Variants in CNNM1 observed in about 807,000 individuals in gnomAD.
CNNM1 encodes the protein metal transporter CNNM1.
Under a neutral mutation model 78.8 loss-of-function variants are expected in CNNM1, and 44 were observed. The observed-to-expected ratio is 0.56, with a 90% CI of 0.44 to 0.72. The LOEUF is 0.72. Among genes scored for constraint, CNNM1 ranks in the 30% least tolerant of loss-of-function variants. The probability of loss-of-function intolerance (pLI) is 0.00; values close to 1 mark genes in which losing one functional copy is unlikely to be tolerated. For missense variants in CNNM1, 1,101 were observed against 1,292.2 expected (o/e 0.85, Z 2.27); for synonymous variants, 584 against 581.5 (o/e 1.00, Z -0.06).
rs769541046 is a variant in CNNM1, at chr10:99,359,004, CAAAAAAAAAAAAAAAAAAA to C, written c.1717+1365_1717+1383del. On this transcript the variant is annotated intron_variant, in intron 2 of 10. Coordinates refer to ENST00000356713, the MANE Select transcript of CNNM1 (RefSeq NM_020348.3). ...CCTGGGTGACAGGGCAAGACTGTCTCAAAAAAAAAAAAAAAAAAAAAAAAAAAAAAAAAATCCCAGGTGT... is the reference window on the plus strand; with the variant it reads ...CCTGGGTGACAGGGCAAGACTGTCTCAAAAAAAAAAAAAAATCCCAGGTGT... Among the ~76,000 whole-genome samples, 32 of 51,520 alleles carry C rather than the reference CAAAAAAAAAAAAAAAAAAA, an allele frequency of 6.2e-4. 2 individuals carry two copies. The highest frequency in any genetic ancestry group is 3.2e-3 in the South Asian group (3 of 942). 33.8% of individuals were successfully genotyped at this position (51,520 alleles called of 152,430 possible). A position where few individuals can be genotyped will look rare whatever the true frequency, so the allele number is the denominator to read the frequency against.
At chr10:99,365,992 A>G (rs1189977520) in intron 6 of CNNM1, among the ~76,000 whole-genome samples, 1 of 152,246 alleles carries the variant, frequency 6.6e-6, no homozygotes, top group East Asian at 1.9e-4. Context: ...GCTAGTTCAC[A>G]CAGCACAATA....
In CNNM1 at chr10:99,353,594, C is replaced by T. The variant is rs149101027; in HGVS notation, c.1574-3918C>T. Among the ~76,000 whole-genome samples, 420 of 152,250 alleles carry T rather than the reference C, an allele frequency of 2.8e-3. 1 individual carries two copies. The highest frequency in any genetic ancestry group is 3.6e-3 in the Non-Finnish European group (248 of 68,022). On this transcript the variant is annotated intron_variant, in intron 1 of 10. Coordinates refer to ENST00000356713, the MANE Select transcript of CNNM1 (RefSeq NM_020348.3). ...GTAAGGGAGGTGCAGGCATAGGGCT[C>T]TTCAAGACCAACCTTTCATGAGTGT...
intron 5 of CNNM1, 77 bp downstream of exon 5, chr10:99,364,593 C>A: frequency 8.6e-7 from 1 of 1,157,324 alleles, no homozygotes; most frequent in Non-Finnish European, 1.2e-6. Context: ...AGTCTTGACT[C>A]CCCCTTTGAC....
chr10:99,364,395 A>G (rs1242623454), intron 4 of CNNM1, 22 bp from the exon 5 acceptor site: 6 of 1,547,478 alleles, frequency 3.9e-6, no homozygotes, highest in Non-Finnish European at 5.3e-6. Flanking sequence ...TTCATAGTAC[A>G]CTTCCTTTTT....
chr10:99,337,967 A>C (rs983550841), intron 1 of CNNM1, among the ~76,000 whole-genome samples: 11 of 152,232 alleles, frequency 7.2e-5, no homozygotes. Flanking sequence ...CTTTAGGTAC[A>C]TCTATTAATA....
At chr10:99,365,649 G>A (rs972809425) in intron 6 of CNNM1, among the ~76,000 whole-genome samples, 3 of 152,092 alleles carry the variant, frequency 2.0e-5, no homozygotes, top group African/African-American at 7.2e-5. Context: ...TGCTTAAAGG[G>A]CATGGCATTT....
chr10:99,342,958 T>TC (rs1320650176), intron 1 of CNNM1, among the ~76,000 whole-genome samples: 4 of 152,092 alleles, frequency 2.6e-5, no homozygotes, highest in African/African-American at 9.7e-5. Flanking sequence ...CCATCTTTTT[T>TC]TTTCTTTCTT....
chr10:99,364,730 G>A (rs904920333), intron 5 of CNNM1, among the ~76,000 whole-genome samples: 17 of 152,036 alleles, frequency 1.1e-4, no homozygotes, highest in Non-Finnish European at 1.6e-4. Context: ...AAATTGAATT[G>A]TAAAAAGCAG....
rs1186930800 is a variant in CNNM1, at chr10:99,364,398, T to TC, written c.2029-17dup. ...TGCTCATACACATTCATAGTACACT[T>TC]CCTTTTTTTTTTTTCCAGGGTAAAG... On this transcript the variant is annotated intron_variant, in intron 4 of 10. Transcript: ENST00000356713. 6 of 1,563,236 alleles carry TC rather than the reference T, an allele frequency of 3.8e-6. No homozygotes were observed. In the Admixed American group the frequency reaches 7.0e-5, roughly 18 times the overall value.
At chr10:99,370,823 T>C (rs1412835559) in intron 6 of CNNM1, among the ~76,000 whole-genome samples, 1 of 152,200 alleles carries the variant, frequency 6.6e-6, no homozygotes, top group Non-Finnish European at 1.5e-5. Context: ...CTCAACCGTA[T>C]CTTATATGGG....
In CNNM1 at chr10:99,360,860, C is replaced by A; in HGVS notation, c.1743C>A (p.Val581=). 1 of 1,610,776 alleles carries A rather than the reference C, an allele frequency of 6.2e-7. No homozygotes were observed. The highest frequency in any genetic ancestry group is 8.5e-7 in the Non-Finnish European group (1 of 1,177,490). The part of the protein sequence containing the change: ...LYTDNRKKQR[V]PQRERKRHDF... ...CTGACAATCGGAAAAAGCAGAGGGTCCCGCAACGGGAGCGGAAGCGGCATG... is the reference window on the plus strand; with the variant it reads ...CTGACAATCGGAAAAAGCAGAGGGTACCGCAACGGGAGCGGAAGCGGCATG... The change falls in exon 3 of 11, where the codon GTC becomes GTA. Residue 581 remains valine (V), a synonymous_variant. Transcript: ENST00000356713.
Position 99,330,697 on chromosome 10 carries a change from G to C in CNNM1, c.1310G>C (p.Gly437Ala). ...GTGGAGGAGGTGCTGACCCCCCTGGGAGACTGCTTCATGCTGCGCTCAGAC... is the reference window on the plus strand; with the variant it reads ...GTGGAGGAGGTGCTGACCCCCCTGGCAGACTGCTTCATGCTGCGCTCAGAC... ...KVVEEVLTPL[G>A]DCFMLRSDAV... The change falls in exon 1 of 11, where the codon GGA becomes GCA. Residue 437 changes from glycine (G) to alanine (A), a missense_variant. By Grantham distance (60) the Gly-to-Ala change is moderately conservative. This residue lies in a region of CNNM1 where 277 missense variants were observed against 423.2 expected (regional missense o/e 0.65). Transcript: ENST00000356713. The C allele has an allele frequency of 6.2e-7, 1 of 1,614,012 alleles. No homozygotes were observed. The highest frequency in any genetic ancestry group is 2.2e-5 in the East Asian group (1 of 44,878).
At chr10:99,348,926 C>T (rs2030820795) in intron 1 of CNNM1, among the ~76,000 whole-genome samples, 1 of 151,920 alleles carries the variant, frequency 6.6e-6, no homozygotes, top group Non-Finnish European at 1.5e-5. Flanking sequence ...AACAAATAGC[C>T]AGGCCTGCTG....
At chr10:99,350,517 C>T (rs1010561952) in intron 1 of CNNM1, among the ~76,000 whole-genome samples, 2 of 152,124 alleles carry the variant, frequency 1.3e-5, no homozygotes, top group Non-Finnish European at 2.9e-5. Flanking sequence ...ATGGATGTGC[C>T]TAAACCATGT....
intron 1 of CNNM1, among the ~76,000 whole-genome samples, chr10:99,356,562 CAGAA>C (rs71009746): frequency 0.047 from 4,641 of 98,016 alleles, 99 homozygotes; most frequent in Admixed American, 0.071. Context: ...GACAGACAGA[CAGAA>C]AGAAAGAAAG....
chr10:99,338,492 TGGTCTC>T (rs1318700916), intron 1 of CNNM1, among the ~76,000 whole-genome samples: 2 of 151,992 alleles, frequency 1.3e-5, no homozygotes, highest in Non-Finnish European at 2.9e-5. Flanking sequence ...TTGCCCGGGG[TGGTCTC>T]GAACTCCTGA....
intron 1 of CNNM1, among the ~76,000 whole-genome samples, chr10:99,353,210 C>T (rs2031009468): frequency 6.6e-6 from 1 of 151,934 alleles, no homozygotes. Flanking sequence ...ATTTGTATTT[C>T]CTTACTGATG....
chr10:99,388,345 G>T (rs907784350), intron 9 of CNNM1, 44 bp downstream of exon 9: 1 of 1,592,396 alleles, frequency 6.3e-7, no homozygotes, highest in Non-Finnish European at 8.6e-7. Flanking sequence ...GGAGATCATT[G>T]CCTTTGGGCA....
intron 6 of CNNM1, chr10:99,365,256 G>GTT: frequency 1.7e-6 from 1 of 594,712 alleles, no homozygotes; most frequent in South Asian, 1.9e-5. Flanking sequence ...GGGTTGTGAG[G>GTT]GAAGGCACTG....
Sources: gnomAD v4.1 joint callset for allele counts (sites outside exome capture counted in the v4.1 genomes callset) on GRCh38, gnomAD v4.1.1 for gene constraint, gnomAD v4.1.1 regional missense constraint, MANE v1.5 for transcripts, NCBI Gene and HGNC (gene_info 2026-07-23, HGNC 2026-07-21) for gene names.